NLRP3: variants seen among roughly 807,000 people sequenced by gnomAD.
The protein encoded by NLRP3 is NACHT, LRR and PYD domains-containing protein 3.
In NLRP3, 48 loss-of-function variants were observed where a neutral mutation model predicts 91.3. That is an observed-to-expected ratio of 0.53 (90% CI 0.42 to 0.67). The LOEUF (loss-of-function observed/expected upper bound fraction) is 0.67, where lower values mean the gene tolerates loss of function less well. Among genes scored for constraint, NLRP3 ranks in the 30% least tolerant of loss-of-function variants. NLRP3 has a pLI of 0.00. For synonymous variants in NLRP3, 561 were observed against 507.9 expected (o/e 1.10, Z -1.41); for missense variants, 982 against 1,276.9 (o/e 0.77, Z 3.52).
chr1:247,429,910 T>C (rs565083705), intron 5 of NLRP3, among the ~76,000 whole-genome samples, 155 bp downstream of exon 5: 167 of 152,270 alleles, frequency 1.1e-3, no homozygotes, highest in Non-Finnish European at 1.9e-3. Context: ...GTTTTGCTCT[T>C]ATTGCCCAGG....
Position 247,419,058 on chromosome 1 carries a change from A to C in NLRP3, c.258A>C (p.Lys86Asn), listed in dbSNP as rs1221841498. ...GGAGAGACCTTTATGAGAAAGCAAA[A>C]AGAGATGAGCCGAAGTGGGGTGAGT... ...INRRDLYEKAKRDEPKWGSDN... is the reference protein window; with the variant it reads ...INRRDLYEKANRDEPKWGSDN... Residue 86 changes from lysine (K) to asparagine (N), a missense_variant, in exon 2 of 10, where the codon AAA becomes AAC. Physicochemically the swap from Lys to Asn is moderately conservative, Grantham distance 94 (BLOSUM62 0). Around this residue, in one of 5 missense-constraint regions of NLRP3, gnomAD observed 548 missense variants for 713.7 expected, o/e 0.77. Coordinates refer to ENST00000336119, the MANE Select transcript of NLRP3 (RefSeq NM_001243133.2). 1.2e-6 allele frequency: 2 copies of C among 1,612,082 alleles called. No homozygotes were observed. Among genetic ancestry groups the C allele is most frequent in the Non-Finnish European group, 8.5e-7 (1 of 1,179,986 alleles).
Position 247,424,576 on chromosome 1 carries a change from G to A in NLRP3, c.1127G>A (p.Arg376Lys), listed in dbSNP as rs1211247365. Residue 376 changes from arginine to lysine, a missense_variant, in exon 4 of 10, where the codon AGG becomes AAG. Around this residue, in one of 5 missense-constraint regions of NLRP3, gnomAD observed 548 missense variants for 713.7 expected, o/e 0.77. Transcript: ENST00000336119. This position sits in a 1 kb window ranked among gnomAD's most constrained non-coding sequence, Gnocchi z 8.1. Reference protein sequence around the residue: ...VEILGFSEAKRKEYFFKYFSD... With the variant: ...VEILGFSEAKKKEYFFKYFSD... ...ATCCTGGGTTTCTCCGAGGCCAAAA[G>A]GAAAGAGTACTTCTTCAAGTACTTC... is the stretch of plus-strand genomic sequence containing the variant. 1 of 1,614,176 alleles carries A rather than the reference G, an allele frequency of 6.2e-7. No individual in the cohort carries two copies.
At position 247,418,556 on chromosome 1, in the gene NLRP3, C is replaced by T. The variant is rs1558184766; in HGVS notation, c.-245C>T. 2 of 501,630 alleles carry T rather than the reference C, an allele frequency of 4.0e-6. No homozygotes were observed. The highest frequency in any genetic ancestry group is 3.8e-5 in the East Asian group (1 of 26,482). The allele number at this position is 501,630 out of a possible 1,614,324, so 31.1% of individuals were successfully genotyped here. ...AGCTCAGGTGATCTGCCTGCCTTGGCCTCTCAAAGTGCTGGGATTACAGGC... is the reference window on the plus strand; with the variant it reads ...AGCTCAGGTGATCTGCCTGCCTTGGTCTCTCAAAGTGCTGGGATTACAGGC... On this transcript the variant is annotated 5_prime_UTR_variant, in exon 2 of 10. Coordinates refer to ENST00000336119, the MANE Select transcript of NLRP3 (RefSeq NM_001243133.2).
At position 247,425,869 on chromosome 1, in the gene NLRP3, T is replaced by A; in HGVS notation, c.2150+270T>A. 1 of 476,294 alleles carries A rather than the reference T, an allele frequency of 2.1e-6. No individual in the cohort carries two copies. The highest frequency in any genetic ancestry group is 3.8e-6 in the Non-Finnish European group (1 of 260,652). The allele number at this position is 476,294 out of a possible 1,614,324, so 29.5% of individuals were successfully genotyped here. A position where few individuals can be genotyped will look rare whatever the true frequency, so the allele number is the denominator to read the frequency against. On this transcript the variant is annotated intron_variant, in intron 4 of 9. Coordinates refer to ENST00000336119, the MANE Select transcript of NLRP3 (RefSeq NM_001243133.2). The surrounding 1 kb of genome is among the most constrained non-coding windows in gnomAD (Gnocchi z 4.1). ...CAAGGTATTAAGTAGGATGTAGGAT[T>A]GCCTACAAATATTTGTCAACTGAAA...
chr1:247,426,823 G>A (rs986340235), intron 4 of NLRP3, among the ~76,000 whole-genome samples: 16 of 152,150 alleles, frequency 1.1e-4, no homozygotes, highest in African/African-American at 3.1e-4. Context: ...GGGTGTCCCC[G>A]CTCAGCCAGC....
rs10802498 is a variant in NLRP3 at position 247,433,956 on chromosome 1, G to C, written c.2322-147G>C. 0.72 allele frequency: 416,540 copies of C among 575,770 alleles called. 155,991 individuals are homozygous for C. The highest frequency in any genetic ancestry group is 0.88 in the East Asian group (25,486 of 28,870). 35.7% of individuals were successfully genotyped at this position (575,770 alleles called of 1,614,324 possible). ...GGTCAGGTGTGTTCTGATGCTTTCT[G>C]TATTCCGGAGCTCTCTGATCAGATG... On this transcript the variant is annotated intron_variant, in intron 5 of 9. Transcript: ENST00000336119.
intron 2 of NLRP3, among the ~76,000 whole-genome samples, chr1:247,419,926 A>G (rs1199563223): frequency 6.6e-6 from 1 of 152,202 alleles, no homozygotes; most frequent in Non-Finnish European, 1.5e-5. Flanking sequence ...TCTCTGGGGT[A>G]TATACTCAGA....
At position 247,425,063 on chromosome 1, in the gene NLRP3, G is replaced by A. The variant is rs201883238; in HGVS notation, c.1614G>A (p.Lys538=). The A allele has an allele frequency of 2.5e-6, 4 of 1,614,198 alleles. No homozygotes were observed. Among genetic ancestry groups the A allele is most frequent in the Non-Finnish European group, 3.4e-6 (4 of 1,180,036 alleles). The change falls in exon 4 of 10, where the codon AAG becomes AAA. Residue 538 remains lysine, a synonymous_variant. Coordinates refer to ENST00000336119, the MANE Select transcript of NLRP3 (RefSeq NM_001243133.2). This position sits in a 1 kb window ranked among gnomAD's most constrained non-coding sequence, Gnocchi z 4.1. ...TGTACTACCTGCTGGAAGAGGAAAA[G>A]GAAGGAAGGACGAACGTTCCAGGGA... The part of the protein sequence containing the change: ...AAMYYLLEEE[K]EGRTNVPGSR...
At chr1:247,443,479 C>T (rs1415156505) in intron 7 of NLRP3, among the ~76,000 whole-genome samples, 1 of 151,356 alleles carries the variant, frequency 6.6e-6, no homozygotes, top group Non-Finnish European at 1.5e-5. Flanking sequence ...TAGAAGGTCA[C>T]AATGGACGTT....
In NLRP3 at chr1:247,418,406, A is replaced by G. The variant is rs200825566; in HGVS notation, c.-395A>G. On this transcript the variant is annotated 5_prime_UTR_variant, in exon 2 of 10. Coordinates refer to ENST00000336119, the MANE Select transcript of NLRP3 (RefSeq NM_001243133.2). ...AGCCTCCACTTCCCGGGTTCAATCA[A>G]TTCTCCTACCTCAACTTCCTGAGTA... 6.5e-6 allele frequency: 2 copies of G among 307,428 alleles called. No individual in the cohort carries two copies. The highest frequency in any genetic ancestry group is 1.3e-5 in the Non-Finnish European group (2 of 158,060). 19.0% of individuals were successfully genotyped at this position (307,428 alleles called of 1,614,324 possible).
intron 5 of NLRP3, among the ~76,000 whole-genome samples, chr1:247,431,569 C>T (rs12128192): frequency 0.034 from 5,180 of 152,234 alleles, 129 homozygotes; most frequent in Non-Finnish European, 0.053. Context: ...ATGGGGTTTG[C>T]GTTTGTTTGT....
Position 247,424,850 on chromosome 1 carries a change from C to G in NLRP3, c.1401C>G (p.Leu467=), listed in dbSNP as rs141637807. 6.2e-7 allele frequency: 1 copy of G among 1,608,220 alleles called. No individual in the cohort carries two copies. The highest frequency in any genetic ancestry group is 8.5e-7 in the Non-Finnish European group (1 of 1,179,988). ...GCCTCTGCGCCCACCTCTGGGGGCT[C>G]TGCTCTTTGGCTGCAGATGGAATCT... ...EHGLCAHLWG[L]CSLAADGIWN... Residue 467 remains leucine, a synonymous_variant, in exon 4 of 10, where the codon CTC becomes CTG. Coordinates refer to ENST00000336119, the MANE Select transcript of NLRP3 (RefSeq NM_001243133.2). This position sits in a 1 kb window ranked among gnomAD's most constrained non-coding sequence, Gnocchi z 8.1.
intron 4 of NLRP3, among the ~76,000 whole-genome samples, chr1:247,427,436 C>G (rs1202103650): frequency 6.6e-6 from 1 of 152,360 alleles, no homozygotes; most frequent in East Asian, 1.9e-4. Flanking sequence ...TTATGAAGAT[C>G]ACACATCTGT....
At chr1:247,416,816 G>A (rs1214252824) in intron 1 of NLRP3, among the ~76,000 whole-genome samples, 1 of 152,192 alleles carries the variant, frequency 6.6e-6, no homozygotes, top group Non-Finnish European at 1.5e-5. Context: ...GGAGAGATGA[G>A]TGAGTCTGAG....
At chr1:247,417,935 C>T (rs1297757779) in intron 1 of NLRP3, 118 bp from the exon 2 acceptor site, 1 of 152,368 alleles carries the variant, frequency 6.6e-6, no homozygotes, top group African/African-American at 2.4e-5. Flanking sequence ...TACTCACCTC[C>T]TGGCCTTCTC....
At position 247,444,877 on chromosome 1, in the gene NLRP3, T is replaced by C. The variant is rs1664489968; in HGVS notation, c.3005+56T>C. The C allele has an allele frequency of 2.5e-6, 4 of 1,577,456 alleles. No individual in the cohort carries two copies. In the Admixed American group the frequency reaches 6.8e-5, roughly 27 times the overall value. ...GGGACTCTGAGTTCTCAGGAAACGT[T>C]GACTGTTATCAAAATCCAGGATGGC... is the stretch of plus-strand genomic sequence containing the variant. On this transcript the variant is annotated intron_variant, in intron 9 of 9. Coordinates refer to ENST00000336119, the MANE Select transcript of NLRP3 (RefSeq NM_001243133.2).
chr1:247,439,787 T>C (rs1436875541), intron 7 of NLRP3, among the ~76,000 whole-genome samples: 2 of 152,208 alleles, frequency 1.3e-5, no homozygotes, highest in Non-Finnish European at 2.9e-5. Flanking sequence ...TTTGTGTAGA[T>C]CTATCGATTG....
chr1:247,418,929 G>A lies in NLRP3; in HGVS notation c.129G>A (p.Gln43=), dbSNP rs201689287. ...GCTGCATCCCCCTCCCGAGGGGTCAGACAGAGAAGGCAGACCATGTGGATC... is the reference window on the plus strand; with the variant it reads ...GCTGCATCCCCCTCCCGAGGGGTCAAACAGAGAAGGCAGACCATGTGGATC... ...QKGCIPLPRG[Q]TEKADHVDLA... The change falls in exon 2 of 10, where the codon CAG becomes CAA. Residue 43 remains glutamine (Q), a synonymous_variant. Coordinates refer to ENST00000336119, the MANE Select transcript of NLRP3 (RefSeq NM_001243133.2). 9 of 1,614,148 alleles carry A rather than the reference G, an allele frequency of 5.6e-6. No homozygotes were observed. In the Admixed American group the frequency reaches 8.3e-5, roughly 15 times the overall value.
At chr1:247,432,980 ACCAG>A (rs1321986201) in intron 5 of NLRP3, among the ~76,000 whole-genome samples, 2 of 151,882 alleles carry the variant, frequency 1.3e-5, no homozygotes, top group Non-Finnish European at 2.9e-5. Flanking sequence ...GGAGTTCAAA[ACCAG>A]CCTGAGCAAG....
Sources: allele counts gnomAD v4.1 joint callset (sites outside exome capture counted in the v4.1 genomes callset), GRCh38; gene constraint gnomAD v4.1.1; regional missense constraint gnomAD v4.1.1; non-coding constraint Gnocchi (gnomAD v3.1); transcripts MANE v1.5; gene names NCBI Gene and HGNC (gene_info 2026-07-23, HGNC 2026-07-21).